The following RBFOX1 variants were observed in gnomAD, a reference collection of about 807,000 sequenced individuals.
RBFOX1 encodes the protein RNA binding protein fox-1 homolog 1.
RBFOX1 carries 8 observed loss-of-function variants against 57.7 expected under a neutral mutation model. That is an observed-to-expected ratio of 0.14 (90% confidence interval 0.08 to 0.25). The LOEUF (loss-of-function observed/expected upper bound fraction) is 0.25. Ranked by LOEUF, RBFOX1 falls within the 10% of genes least tolerant of loss-of-function variation. The pLI is 1.00. For missense variants in RBFOX1, 611 were observed against 548.5 expected, an observed-to-expected ratio of 1.11 and a Z score of -1.14; for synonymous variants, 326 against 222.4, an observed-to-expected ratio of 1.47 and a Z score of -4.15.
rs543113358 is a variant in RBFOX1, at chr16:7,488,868, C to T, written c.28-29279C>T. On this transcript the variant is annotated intron_variant, in intron 4 of 15. Coordinates refer to ENST00000550418, the MANE Select transcript of RBFOX1 (RefSeq NM_018723.4). ...CATTATCTATCTATACATTCATCCC[C>T]TACTTATCTACTGTCATTTTATCAT... Among the ~76,000 whole-genome samples the T allele has an allele frequency of 3.3e-5, 5 of 152,254 alleles. No individual in the cohort carries two copies. The South Asian group carries it at 1.0e-3, about 32-fold the overall frequency.
intron 4 of RBFOX1, among the ~76,000 whole-genome samples, chr16:7,508,233 C>T (rs2074000216): frequency 6.6e-6 from 1 of 152,106 alleles, no homozygotes; most frequent in South Asian, 2.1e-4. Flanking sequence ...ACGCCTCGGC[C>T]TTCCTAAGTG....
intron 2 of RBFOX1, among the ~76,000 whole-genome samples, chr16:6,448,402 C>T (rs1049358625): frequency 1.3e-5 from 2 of 151,994 alleles, no homozygotes; most frequent in Non-Finnish European, 1.5e-5. Context: ...TGTGATCTGC[C>T]CGCCTTGGCC....
intron 4 of RBFOX1, among the ~76,000 whole-genome samples, chr16:7,239,083 A>T (rs980433681): frequency 6.6e-6 from 1 of 152,186 alleles, no homozygotes; most frequent in African/African-American, 2.4e-5. Flanking sequence ...TGCTATTGTG[A>T]ATAGTGCTGC....
At chr16:6,937,940 T>C (rs1428666489) in intron 3 of RBFOX1, among the ~76,000 whole-genome samples, 1 of 123,106 alleles carries the variant, frequency 8.1e-6, no homozygotes, top group Non-Finnish European at 1.6e-5. Context: ...AGCTCAACTT[T>C]GGAATGCCCT....
At chr16:6,213,550 C>A (rs1266163502) in intron 1 of RBFOX1, among the ~76,000 whole-genome samples, 1 of 152,208 alleles carries the variant, frequency 6.6e-6, no homozygotes, top group Non-Finnish European at 1.5e-5. Context: ...TTCTGCTATG[C>A]TGCTGATCAT....
intron 2 of RBFOX1, among the ~76,000 whole-genome samples, chr16:6,343,819 C>T (rs1352953985): frequency 6.6e-6 from 1 of 152,082 alleles, no homozygotes; most frequent in African/African-American, 2.4e-5. Flanking sequence ...GCATAATATT[C>T]CCTTTGGATT....
At chr16:6,663,390 G>A (rs568873515) in intron 3 of RBFOX1, among the ~76,000 whole-genome samples, 3 of 152,334 alleles carry the variant, frequency 2.0e-5, no homozygotes, top group South Asian at 2.1e-4. Context: ...GGTTGCATAT[G>A]AGCATGACAT....
intron 1 of RBFOX1, among the ~76,000 whole-genome samples, chr16:5,285,454 G>C (rs548034523): frequency 6.6e-6 from 1 of 152,174 alleles, no homozygotes; most frequent in East Asian, 1.9e-4. Flanking sequence ...GCATTTCATA[G>C]ATTTTCTTTT....
At chr16:7,351,204 A>G (rs544673745) in intron 4 of RBFOX1, among the ~76,000 whole-genome samples, 9 of 152,302 alleles carry the variant, frequency 5.9e-5, no homozygotes, top group African/African-American at 1.9e-4. Flanking sequence ...AGCCAGCCTC[A>G]CTCACTGTTA....
At chr16:6,158,983 A>C (rs1211123316) in intron 1 of RBFOX1, among the ~76,000 whole-genome samples, 2 of 151,564 alleles carry the variant, frequency 1.3e-5, no homozygotes, top group Admixed American at 6.6e-5. Flanking sequence ...GCTCACTGCA[A>C]CCTCCACCTC....
chr16:6,015,315 C>G (rs975063810), upstream of RBFOX1, among the ~76,000 whole-genome samples: 9 of 152,044 alleles, frequency 5.9e-5, no homozygotes, highest in African/African-American at 2.2e-4. Context: ...TTACACTGAC[C>G]TTCTGGAAAA....
chr16:6,296,604 T>C (rs1267572762), intron 1 of RBFOX1, among the ~76,000 whole-genome samples: 1 of 152,088 alleles, frequency 6.6e-6, no homozygotes, highest in Admixed American at 6.5e-5. Context: ...ATATTTTTAG[T>C]AGAGACGCGG....
chr16:7,522,381 C>G (rs193141506), intron 5 of RBFOX1, among the ~76,000 whole-genome samples: 1 of 152,106 alleles, frequency 6.6e-6, no homozygotes, highest in Non-Finnish European at 1.5e-5. Context: ...GGGCATTCAA[C>G]CAGTTGAATG....
intron 3 of RBFOX1, among the ~76,000 whole-genome samples, chr16:6,932,958 C>T (rs1463722526): frequency 3.3e-5 from 5 of 152,196 alleles, no homozygotes; most frequent in Non-Finnish European, 7.3e-5. Flanking sequence ...ATGAACTTGA[C>T]TGCTCTAGTA....
At chr16:5,978,948 C>T (rs528301910) in intron 4 of RBFOX1, among the ~76,000 whole-genome samples, 4 of 152,282 alleles carry the variant, frequency 2.6e-5, no homozygotes, top group South Asian at 2.1e-4. Context: ...CTGTGTTTCC[C>T]GTTCCATGCT....
chr16:6,091,459 G>C (rs922601614), intron 1 of RBFOX1, among the ~76,000 whole-genome samples: 1 of 152,050 alleles, frequency 6.6e-6, no homozygotes, highest in Admixed American at 6.6e-5. Context: ...TTTTTATAGG[G>C]TGAGCGGTCT....
At chr16:7,657,997 T>G (rs1312851272) in intron 12 of RBFOX1, among the ~76,000 whole-genome samples, 5 of 152,134 alleles carry the variant, frequency 3.3e-5, no homozygotes, top group Admixed American at 2.6e-4. Flanking sequence ...ATAGCTTACT[T>G]AACGTCTATA....
At chr16:7,526,734 C>T (rs907676659) in intron 5 of RBFOX1, among the ~76,000 whole-genome samples, 1 of 152,326 alleles carries the variant, frequency 6.6e-6, no homozygotes, top group African/African-American at 2.4e-5. Flanking sequence ...ATTTTAAGCA[C>T]TTTCCATGCA....
intron 3 of RBFOX1, among the ~76,000 whole-genome samples, chr16:6,713,197 C>T (rs1464368869): frequency 6.6e-6 from 1 of 152,062 alleles, no homozygotes; most frequent in African/African-American, 2.4e-5. Context: ...ATCTTCCATC[C>T]ATCTTCTGCC....
Sources: gnomAD v4.1 joint callset for allele counts (sites outside exome capture counted in the v4.1 genomes callset) on GRCh38, gnomAD v4.1.1 for gene constraint, MANE v1.5 for transcripts, NCBI Gene and HGNC (gene_info 2026-07-23, HGNC 2026-07-21) for gene names.